CFAP46: variants seen among roughly 807,000 people sequenced by gnomAD.
The protein encoded by CFAP46 is cilia- and flagella-associated protein 46.
CFAP46 carries 245 observed loss-of-function variants against 325.7 expected under a neutral mutation model. The ratio of observed to expected loss-of-function variants is 0.75; its 90% confidence interval spans 0.68 to 0.84. CFAP46 has a LOEUF of 0.84. Among genes scored for constraint, CFAP46 ranks in the 40% least tolerant of loss-of-function variants. The pLI, the probability that CFAP46 is intolerant of heterozygous loss-of-function variation, is 0.00. For synonymous variants in CFAP46, 1,523 were observed against 1,495.9 expected (o/e 1.02, Z -0.42); for missense variants, 3,346 against 3,543.0 (o/e 0.94, Z 1.41).
In CFAP46 at chr10:132,908,639, C is replaced by T. The variant is rs769870560; in HGVS notation, c.2758-5G>A. Reference sequence around the variant, plus strand: ...CTCGGAAGCCATTTTCACCAACTTCCGGTGGGTGGCAAGAGAAGGGGCACC... The same window carrying T: ...CTCGGAAGCCATTTTCACCAACTTCTGGTGGGTGGCAAGAGAAGGGGCACC... On this transcript the variant is annotated splice_region_variant and splice_polypyrimidine_tract_variant and intron_variant, in intron 21 of 57. Coordinates refer to ENST00000368586, the MANE Select transcript of CFAP46 (RefSeq NM_001200049.3). 3.1e-5 allele frequency: 47 copies of T among 1,528,662 alleles called. No individual in the cohort carries two copies. The highest frequency in any genetic ancestry group is 1.8e-4 in the African/African-American group (13 of 72,444). 94.7% of individuals were successfully genotyped at this position (1,528,662 alleles called of 1,614,324 possible). A position where few individuals can be genotyped will look rare whatever the true frequency, so the allele number is the denominator to read the frequency against.
chr10:132,845,482 C>T (rs1591048570), intron 44 of CFAP46, among the ~76,000 whole-genome samples: 1 of 152,224 alleles, frequency 6.6e-6, no homozygotes, highest in Non-Finnish European at 1.5e-5. Flanking sequence ...TCCACCCCAA[C>T]GAGAGGACCA....
chr10:132,860,474 T>C lies in CFAP46; in HGVS notation c.5141A>G (p.Lys1714Arg), dbSNP rs752394932. Residue 1714 changes from lysine (K) to arginine (R), a missense_variant, in exon 37 of 58, where the codon AAA becomes AGA. Transcript: ENST00000368586. ...KLINAFKILK[K>R]ERPNRLPLLE... Reference sequence around the variant, plus strand: ...TAAAGGCAATCGGTTTGGTCTTTCTTTCTTGAGGATCTTGAAGGCATTGAT... The same window carrying C: ...TAAAGGCAATCGGTTTGGTCTTTCTCTCTTGAGGATCTTGAAGGCATTGAT... The C allele has an allele frequency of 3.9e-6, 6 of 1,551,290 alleles. No homozygotes were observed. The South Asian group carries it at 7.1e-5, about 18-fold the overall frequency.
At chr10:132,914,059 CG>C in intron 17 of CFAP46, among the ~76,000 whole-genome samples, 1 of 148,182 alleles carries the variant, frequency 6.7e-6, no homozygotes, top group Admixed American at 6.7e-5. Context: ...CACTGCACCC[CG>C]GCCCGAGGCT....
chr10:132,907,970 C>G (rs557661037), intron 22 of CFAP46, among the ~76,000 whole-genome samples: 7 of 152,222 alleles, frequency 4.6e-5, no homozygotes, highest in African/African-American at 1.4e-4. Context: ...GGGGTGGGAG[C>G]CCCCCGGTCT....
Position 132,813,277 on chromosome 10 carries a change from A to C in CFAP46, c.7389-380T>G, listed in dbSNP as rs1019408751. 3.9e-5 allele frequency among the ~76,000 whole-genome samples: 6 copies of C among 151,964 alleles called. No homozygotes were observed. In the East Asian group the frequency reaches 9.7e-4, roughly 25 times the overall value. On this transcript the variant is annotated intron_variant, in intron 54 of 57. Transcript: ENST00000368586. ...AGACCAGGGTTCCCTCCTTCCATACAGGATCCCAGCCCTGCCCCTGCAGCC... is the reference window on the plus strand; with the variant it reads ...AGACCAGGGTTCCCTCCTTCCATACCGGATCCCAGCCCTGCCCCTGCAGCC...
rs1848834004 is a variant in CFAP46 at position 132,867,515 on chromosome 10, G to A, written c.4611-8C>T. On this transcript the variant is annotated splice_polypyrimidine_tract_variant and splice_region_variant and intron_variant, in intron 33 of 57. Coordinates refer to ENST00000368586, the MANE Select transcript of CFAP46 (RefSeq NM_001200049.3). ...GCGATCTCTTTTCTGCAGCTAATGC[G>A]AGGAAAACAGACAATACGCAAGAGC... 8 of 1,549,056 alleles carry A rather than the reference G, an allele frequency of 5.2e-6. No individual in the cohort carries two copies. Among genetic ancestry groups the A allele is most frequent in the Non-Finnish European group, 6.1e-6 (7 of 1,146,774 alleles).
chr10:132,892,196 C>G, intron 25 of CFAP46, 137 bp downstream of exon 25: 1 of 715,892 alleles, frequency 1.4e-6, no homozygotes, highest in Non-Finnish European at 2.3e-6. Flanking sequence ...AGATGCTGAA[C>G]AGACATTATC....
intron 46 of CFAP46, 74 bp from the exon 47 acceptor site, chr10:132,835,508 C>G: frequency 6.4e-7 from 1 of 1,571,096 alleles, no homozygotes; most frequent in Non-Finnish European, 8.7e-7. Flanking sequence ...ATGGTGAGCA[C>G]TGGGAAAAGG....
In CFAP46 at chr10:132,887,207, T is replaced by C. The variant is rs200823280; in HGVS notation, c.3305-1248A>G. Among the ~76,000 whole-genome samples, 72 of 34,970 alleles carry C rather than the reference T, an allele frequency of 2.1e-3. 3 individuals carry two copies. The highest frequency in any genetic ancestry group is 3.9e-3 in the South Asian group (4 of 1,024). The allele number at this position is 34,970 out of a possible 152,430, so 22.9% of individuals were successfully genotyped here. ...TTCTCTCTCTCCTCTCTCCTCTTCT[T>C]TCCTCTCCCCTCTTCTCTCTCTCCT... On this transcript the variant is annotated intron_variant, in intron 25 of 57. Transcript: ENST00000368586.
At chr10:132,937,520 C>A in intron 6 of CFAP46, 32 bp downstream of exon 6, 1 of 1,612,180 alleles carries the variant, frequency 6.2e-7, no homozygotes, top group Non-Finnish European at 8.5e-7. Context: ...AAAATTACTT[C>A]TTACGTCTCT....
chr10:132,902,352 C>T (rs1015613508), intron 22 of CFAP46, among the ~76,000 whole-genome samples: 3 of 126,454 alleles, frequency 2.4e-5, no homozygotes, highest in South Asian at 2.2e-4. Flanking sequence ...CCCTGTGCTT[C>T]GGTTTTCATA....
At chr10:132,851,075 C>T (rs746231258) in intron 40 of CFAP46, 42 bp downstream of exon 40, 2 of 1,610,100 alleles carry the variant, frequency 1.2e-6, no homozygotes, top group East Asian at 2.2e-5. Context: ...GCACTGTGGC[C>T]TGGCGCTCCC....
chr10:132,844,176 C>A (rs371197708), intron 44 of CFAP46, among the ~76,000 whole-genome samples: 1 of 89,834 alleles, frequency 1.1e-5, no homozygotes, highest in African/African-American at 4.4e-5. Flanking sequence ...TCTCAATGGG[C>A]GTTCCCAGGG....
Position 132,844,185 on chromosome 10 carries a change from G to T in CFAP46, c.6438+1872C>A, listed in dbSNP as rs1848397162. Among the ~76,000 whole-genome samples, 3 of 144,326 alleles carry T rather than the reference G, an allele frequency of 2.1e-5. No individual in the cohort carries two copies. The South Asian group carries it at 6.7e-4, about 32-fold the overall frequency. 94.7% of individuals were successfully genotyped at this position (144,326 alleles called of 152,430 possible). A position where few individuals can be genotyped will look rare whatever the true frequency, so the allele number is the denominator to read the frequency against. On this transcript the variant is annotated intron_variant, in intron 44 of 57. Transcript: ENST00000368586. ...CTCTGCTCTCAATGGGCGTTCCCAG[G>T]GTGCTGCGGGGCTGCTCCTGGTGGG...
At chr10:132,898,197 G>T (rs554182590) in intron 24 of CFAP46, among the ~76,000 whole-genome samples, 1 of 152,336 alleles carries the variant, frequency 6.6e-6, no homozygotes, top group Non-Finnish European at 1.5e-5. Flanking sequence ...TTTCCAGGAG[G>T]AGCGGGATGC....
At chr10:132,926,808 T>C (rs1849817853) in intron 9 of CFAP46, 142 bp from the exon 10 acceptor site, 1 of 687,578 alleles carries the variant, frequency 1.5e-6, no homozygotes. Context: ...AAGACACCTA[T>C]GACGCAGAGG....
In CFAP46 at chr10:132,828,857, G is replaced by A. The variant is rs896530307; in HGVS notation, c.7117+4501C>T. On this transcript the variant is annotated intron_variant, in intron 50 of 57. Transcript: ENST00000368586. This position sits in a 1 kb window ranked among gnomAD's most constrained non-coding sequence, Gnocchi z 4.9. ...TGCCCTTCCTCCGCTCAGCGTCCTC[G>A]TCCCTTTGCCAGCCACCACCCGGCT... is the stretch of plus-strand genomic sequence containing the variant. Among the ~76,000 whole-genome samples, 6 of 152,138 alleles carry A rather than the reference G, an allele frequency of 3.9e-5. No homozygotes were observed. The highest frequency in any genetic ancestry group is 1.2e-4 in the African/African-American group (5 of 41,476).
intron 50 of CFAP46, among the ~76,000 whole-genome samples, chr10:132,820,243 A>G (rs1318892663): frequency 6.6e-6 from 1 of 152,270 alleles, no homozygotes; most frequent in Admixed American, 6.5e-5. Flanking sequence ...GCAAAGTGAA[A>G]AAAGCCAGGC....
At chr10:132,935,938 G>T (rs139732792) in intron 7 of CFAP46, among the ~76,000 whole-genome samples, 2 of 86,332 alleles carry the variant, frequency 2.3e-5, no homozygotes, top group African/African-American at 4.2e-5. Context: ...CACTCCCCTC[G>T]GCACCCAAAC....
Sources: gnomAD v4.1 joint callset for allele counts (sites outside exome capture counted in the v4.1 genomes callset) on GRCh38, gnomAD v4.1.1 for gene constraint, Gnocchi (gnomAD v3.1) non-coding constraint, MANE v1.5 for transcripts, NCBI Gene and HGNC (gene_info 2026-07-23, HGNC 2026-07-21) for gene names.